Variants in CSMD2 observed in about 807,000 individuals in gnomAD.
CSMD2 encodes CUB and Sushi multiple domains 2.
A neutral mutation model predicts 398.5 loss-of-function variants in CSMD2; 130 were observed. That is an observed-to-expected ratio of 0.33 (90% CI 0.28 to 0.38). The LOEUF (loss-of-function observed/expected upper bound fraction) is 0.38, where lower values mean the gene tolerates loss of function less well. Ranked by LOEUF, CSMD2 falls within the 10% of genes least tolerant of loss-of-function variation. The pLI is 1.00. For missense variants in CSMD2, 3,829 were observed against 4,764.9 expected (o/e 0.80, Z 5.78); for synonymous variants, 1,828 against 1,908.5 (o/e 0.96, Z 1.10).
chr1:34,121,994 GT>G (rs35586514), intron 1 of CSMD2, among the ~76,000 whole-genome samples: 1,980 of 142,666 alleles, frequency 0.014, 36 homozygotes, highest in African/African-American at 0.047. Context: ...AATTTTTCTG[GT>G]TTTTTTTTTT....
At position 34,013,428 on chromosome 1, in the gene CSMD2, C is replaced by A. The variant is rs547526168; in HGVS notation, c.517+19166G>T. On this transcript the variant is annotated intron_variant, in intron 3 of 70. Coordinates refer to ENST00000373381, the MANE Select transcript of CSMD2 (RefSeq NM_001281956.2). ...AGGACCGCGGGGTAGAACCCACCAG[C>A]TCTCCTGAGACCCCAAATCCCTCCA... Among the ~76,000 whole-genome samples, 3 of 152,302 alleles carry A rather than the reference C, an allele frequency of 2.0e-5. No individual in the cohort carries two copies. In the South Asian group the frequency reaches 6.2e-4, roughly 32 times the overall value.
chr1:33,573,019 C>A (rs1343022945), intron 49 of CSMD2, among the ~76,000 whole-genome samples: 1 of 144,970 alleles, frequency 6.9e-6, no homozygotes, highest in Non-Finnish European at 1.5e-5. Flanking sequence ...ACTCTCCAAA[C>A]GAAAGAGAGA....
chr1:33,639,702 C>T (rs936978340), intron 29 of CSMD2, among the ~76,000 whole-genome samples: 8 of 152,176 alleles, frequency 5.3e-5, no homozygotes, highest in African/African-American at 1.9e-4. Flanking sequence ...AAATCAACAA[C>T]CACATCAACG....
At chr1:34,158,750 G>A (rs78168821) in intron 1 of CSMD2, among the ~76,000 whole-genome samples, 1,931 of 152,288 alleles carry the variant, frequency 0.013, 45 homozygotes, top group African/African-American at 0.044. Context: ...CCAAAAAGAT[G>A]GGCCCTAGGG....
chr1:33,707,686 C>T (rs568601470), intron 22 of CSMD2, among the ~76,000 whole-genome samples: 16,566 of 71,926 alleles, frequency 0.23, 1,325 homozygotes, highest in Non-Finnish European at 0.26. Flanking sequence ...CGTGCACACG[C>T]GCGCGCGCGC....
Position 33,611,085 on chromosome 1 carries a change from C to T in CSMD2, c.6299G>A (p.Ser2100Asn), listed in dbSNP as rs779386872. The T allele has an allele frequency of 6.2e-7, 1 of 1,614,062 alleles. No homozygotes were observed. Among genetic ancestry groups the T allele is most frequent in the Admixed American group, 1.7e-5 (1 of 60,030 alleles). ...TSHETTVYFHSDHSQNRPGFK... is the reference protein window; with the variant it reads ...TSHETTVYFHNDHSQNRPGFK... ...TCCTGGCCGATTCTGGGAGTGGTCG[C>T]TGTGGAAATACACGGTGGTCTCGTG... is the stretch of plus-strand genomic sequence containing the variant. The change falls in exon 41 of 71, where the codon AGC becomes AAC. Residue 2100 changes from serine (S) to asparagine (N), a missense_variant. Around this residue, in one of 5 missense-constraint regions of CSMD2, gnomAD observed 2,001 missense variants for 2,567.1 expected, o/e 0.78. Coordinates refer to ENST00000373381, the MANE Select transcript of CSMD2 (RefSeq NM_001281956.2).
At chr1:34,047,559 G>A (rs977708117) in intron 2 of CSMD2, among the ~76,000 whole-genome samples, 11 of 152,076 alleles carry the variant, frequency 7.2e-5, no homozygotes, top group Middle Eastern at 3.4e-3. Flanking sequence ...TGAATTCCAC[G>A]AGGGCAGGGA....
intron 2 of CSMD2, among the ~76,000 whole-genome samples, chr1:34,049,865 C>T (rs150055711): frequency 2.4e-4 from 37 of 152,206 alleles, no homozygotes; most frequent in African/African-American, 7.9e-4. Flanking sequence ...GTGGGATCTT[C>T]GGGAGGTAGT....
chr1:34,115,891 T>G (rs1661554770), intron 1 of CSMD2, among the ~76,000 whole-genome samples: 1 of 151,938 alleles, frequency 6.6e-6, no homozygotes, highest in East Asian at 1.9e-4. Flanking sequence ...AGACATATTA[T>G]TATAATTATA....
At chr1:33,709,369 C>A in intron 21 of CSMD2, 111 bp from the exon 22 acceptor site, 1 of 896,214 alleles carries the variant, frequency 1.1e-6, no homozygotes, top group Non-Finnish European at 1.7e-6. Flanking sequence ...GCCTGTCTAC[C>A]TGCCAAGGTG....
At chr1:33,723,217 C>T (rs1384276476) in intron 19 of CSMD2, among the ~76,000 whole-genome samples, 1 of 152,198 alleles carries the variant, frequency 6.6e-6, no homozygotes, top group Non-Finnish European at 1.5e-5. Flanking sequence ...TTTTTTGGCT[C>T]TTCTGCATGT....
chr1:33,796,661 GAGA>G (rs1654986433), intron 10 of CSMD2, among the ~76,000 whole-genome samples: 2 of 152,176 alleles, frequency 1.3e-5, no homozygotes, highest in African/African-American at 2.4e-5. Flanking sequence ...AGTGCACCTT[GAGA>G]AAGAAAAGAA....
chr1:34,089,302 T>G (rs919225888), intron 1 of CSMD2, 109 bp from the exon 2 acceptor site: 6 of 1,053,690 alleles, frequency 5.7e-6, no homozygotes, highest in East Asian at 5.2e-5. Flanking sequence ...TTCCAAGTGC[T>G]TCCCATGAGC....
At chr1:33,938,527 C>T (rs868029753) in intron 3 of CSMD2, among the ~76,000 whole-genome samples, 1 of 147,832 alleles carries the variant, frequency 6.8e-6, no homozygotes, top group Non-Finnish European at 1.5e-5. Context: ...CCCTATGATC[C>T]CATGTTGCTG....
chr1:33,773,184 T>G (rs1651514659), intron 12 of CSMD2, among the ~76,000 whole-genome samples: 1 of 152,218 alleles, frequency 6.6e-6, no homozygotes, highest in African/African-American at 2.4e-5. Context: ...GCATCTGAAC[T>G]GCTAATGTCA....
rs1402843242 is a variant in CSMD2 at position 33,581,021 on chromosome 1, G to C, written c.7241-122C>G. On this transcript the variant is annotated intron_variant, in intron 47 of 70. Transcript: ENST00000373381. The stretch of plus-strand genomic sequence containing the variant: ...AGAGTCAGCAAAATCATTTGTACTT[G>C]CACTCCTCTCTCTGCATCCACAGGC... 3 of 868,550 alleles carry C rather than the reference G, an allele frequency of 3.5e-6. No individual in the cohort carries two copies. In the African/African-American group the frequency reaches 5.1e-5, roughly 15 times the overall value. 53.8% of individuals were successfully genotyped at this position (868,550 alleles called of 1,614,324 possible). A position where few individuals can be genotyped will look rare whatever the true frequency, so the allele number is the denominator to read the frequency against.
At chr1:33,652,083 T>G (rs1429241512) in intron 28 of CSMD2, among the ~76,000 whole-genome samples, 1 of 152,152 alleles carries the variant, frequency 6.6e-6, no homozygotes, top group Non-Finnish European at 1.5e-5. Flanking sequence ...GAGGAAATAA[T>G]AATTGCTTCC....
At chr1:33,584,604 T>C (rs146596189) in intron 46 of CSMD2, among the ~76,000 whole-genome samples, 7,698 of 151,882 alleles carry the variant, frequency 0.051, 204 homozygotes, top group Middle Eastern at 0.11. Context: ...GAGGCGGAGG[T>C]TGCAGTGAGC....
intron 2 of CSMD2, among the ~76,000 whole-genome samples, chr1:34,041,579 A>C (rs1558289758): frequency 6.6e-6 from 1 of 152,104 alleles, no homozygotes; most frequent in Non-Finnish European, 1.5e-5. Flanking sequence ...CAAGCTGACC[A>C]ACTACTCACT....
Sources: gnomAD v4.1 joint callset for allele counts (sites outside exome capture counted in the v4.1 genomes callset) on GRCh38, gnomAD v4.1.1 for gene constraint, gnomAD v4.1.1 regional missense constraint, MANE v1.5 for transcripts, NCBI Gene and HGNC (gene_info 2026-07-23, HGNC 2026-07-21) for gene names.